The following TENM4 variants were observed in gnomAD, a reference collection of about 807,000 sequenced individuals.
The protein encoded by TENM4 is teneurin transmembrane protein 4.
TENM4 carries 82 observed loss-of-function variants against 243.3 expected under a neutral mutation model. That is an observed-to-expected ratio of 0.34 (90% CI 0.28 to 0.40). TENM4 has a LOEUF of 0.40. Among genes scored for constraint, TENM4 ranks in the 10% least tolerant of loss-of-function variants. The probability of loss-of-function intolerance (pLI) is 1.00; values close to 1 mark genes in which losing one functional copy is unlikely to be tolerated. For synonymous variants in TENM4, 1,412 were observed against 1,456.3 expected (o/e 0.97, Z 0.69); for missense variants, 3,138 against 3,673.3 (o/e 0.85, Z 3.77).
At chr11:78,777,021 T>C (rs781177046) in intron 17 of TENM4, among the ~76,000 whole-genome samples, 6 of 152,066 alleles carry the variant, frequency 3.9e-5, no homozygotes, top group Non-Finnish European at 7.4e-5. Context: ...CCTTTTTCAA[T>C]TGAATGGGTA....
chr11:78,765,939 A>G (rs146582035), intron 18 of TENM4, among the ~76,000 whole-genome samples: 3 of 152,360 alleles, frequency 2.0e-5, no homozygotes, highest in Non-Finnish European at 2.9e-5. Flanking sequence ...AAAACATATT[A>G]TATAGAGAAA....
intron 1 of TENM4, among the ~76,000 whole-genome samples, chr11:79,381,414 C>T (rs1857999906): frequency 6.6e-6 from 1 of 151,922 alleles, no homozygotes; most frequent in South Asian, 2.1e-4. Context: ...CTCCAAGGCT[C>T]CTTGTCTGTT....
At chr11:79,014,756 A>G (rs1858730604) in intron 6 of TENM4, 1 of 152,128 alleles carries the variant, frequency 6.6e-6, no homozygotes, top group South Asian at 2.1e-4. Flanking sequence ...CGGTTCTGGG[A>G]GACAAGAAGA....
intron 4 of TENM4, among the ~76,000 whole-genome samples, chr11:79,129,003 C>A (rs1470505233): frequency 6.6e-6 from 1 of 152,182 alleles, no homozygotes; most frequent in Non-Finnish European, 1.5e-5. Flanking sequence ...AGGAAGCAGA[C>A]AGCTCCTGCA....
At chr11:79,133,861 C>T (rs542650734) in intron 4 of TENM4, among the ~76,000 whole-genome samples, 1 of 152,192 alleles carries the variant, frequency 6.6e-6, no homozygotes, top group African/African-American at 2.4e-5. Flanking sequence ...GTAATAAAAG[C>T]CATCTATGAC....
chr11:79,119,389 A>G (rs1157040161), intron 4 of TENM4, among the ~76,000 whole-genome samples: 2 of 151,080 alleles, frequency 1.3e-5, no homozygotes, highest in Non-Finnish European at 2.9e-5. Context: ...TTGTTGTTAT[A>G]AAAATCATTG....
At chr11:79,142,115 A>G (rs551140614) in intron 4 of TENM4, among the ~76,000 whole-genome samples, 1 of 152,072 alleles carries the variant, frequency 6.6e-6, no homozygotes, top group Non-Finnish European at 1.5e-5. Context: ...GTTATTTAAC[A>G]TAGTACTGGA....
intron 4 of TENM4, among the ~76,000 whole-genome samples, chr11:79,132,345 C>CAAA (rs569082783): frequency 0.085 from 4,260 of 49,880 alleles, 636 homozygotes; most frequent in African/African-American, 0.27. Flanking sequence ...GACTCCAACT[C>CAAA]AAAAAAAAAA....
chr11:78,893,754 T>C (rs1463267761), intron 7 of TENM4, among the ~76,000 whole-genome samples: 1 of 104,432 alleles, frequency 9.6e-6, no homozygotes, highest in Non-Finnish European at 1.9e-5. Context: ...CCCTGGCCCC[T>C]TGTACTGATT....
intron 12 of TENM4, among the ~76,000 whole-genome samples, chr11:78,825,091 T>G (rs112094079): frequency 1.9e-3 from 292 of 152,340 alleles, no homozygotes; most frequent in African/African-American, 6.8e-3. Context: ...TTGACTCCAC[T>G]GTGTTAAAGC....
chr11:79,141,153 C>T (rs1463791460), intron 4 of TENM4, among the ~76,000 whole-genome samples: 1 of 152,044 alleles, frequency 6.6e-6, no homozygotes, highest in South Asian at 2.1e-4. Flanking sequence ...CTCCTAATTC[C>T]CTTCTTCTCT....
chr11:78,756,948 G>C lies in TENM4; in HGVS notation c.2613C>G (p.Gly871=). The C allele has an allele frequency of 6.2e-7, 1 of 1,614,000 alleles. No individual in the cohort carries two copies. Among genetic ancestry groups the C allele is most frequent in the Non-Finnish European group, 8.5e-7 (1 of 1,179,900 alleles). ...GGATGATGTCCAGAGGGTTAGGGGA[G>C]CCAAGGCACAGCGGGTTGATATGGC... ...PLCHINPLCL[G]SPNPLDIIQE... Residue 871 remains glycine, a synonymous_variant, in exon 19 of 34, where the codon GGC becomes GGG. Transcript: ENST00000278550.
chr11:78,752,449 C>T (rs374426283), intron 19 of TENM4, among the ~76,000 whole-genome samples: 72 of 152,306 alleles, frequency 4.7e-4, no homozygotes, highest in African/African-American at 1.7e-3. Context: ...TGAGGCTGAC[C>T]CAGCTGGGAA....
At chr11:79,388,108 T>C (rs483408) in intron 1 of TENM4, among the ~76,000 whole-genome samples, 77,515 of 152,082 alleles carry the variant, frequency 0.51, 19,848 homozygotes, top group East Asian at 0.55. Flanking sequence ...GGAGTTTCTA[T>C]ATGGAAGGAG....
At chr11:79,213,258 G>C (rs1863986008) in intron 3 of TENM4, among the ~76,000 whole-genome samples, 1 of 152,132 alleles carries the variant, frequency 6.6e-6, no homozygotes, top group Non-Finnish European at 1.5e-5. Context: ...CCTGTTCAAT[G>C]ATTTGTTCTT....
chr11:78,727,313 G>C (rs1855538129), intron 22 of TENM4, among the ~76,000 whole-genome samples: 1 of 152,018 alleles, frequency 6.6e-6, no homozygotes, highest in Non-Finnish European at 1.5e-5. Context: ...CGGGTGTGGT[G>C]GTGGGCGCCT....
chr11:79,413,815 T>C (rs1397855070), intron 1 of TENM4, among the ~76,000 whole-genome samples: 1 of 152,190 alleles, frequency 6.6e-6, no homozygotes, highest in Non-Finnish European at 1.5e-5. Flanking sequence ...AAGAATGTCC[T>C]TGCTTTTAGA....
At chr11:78,811,958 C>T (rs1404689773) in intron 14 of TENM4, among the ~76,000 whole-genome samples, 164 bp downstream of exon 14, 1 of 152,198 alleles carries the variant, frequency 6.6e-6, no homozygotes, top group African/African-American at 2.4e-5. Context: ...TTGGCCTCTT[C>T]CTTTGGATTA....
chr11:78,820,296 T>TGAAGTCACCTTCTC (rs1437194388), intron 12 of TENM4, among the ~76,000 whole-genome samples: 20 of 152,314 alleles, frequency 1.3e-4, no homozygotes, highest in African/African-American at 4.8e-4. Context: ...GAATGGGAGA[T>TGAAGTCACCTTCTC]GAAGTCACCT....
Sources: allele counts gnomAD v4.1 joint callset (sites outside exome capture counted in the v4.1 genomes callset), GRCh38; gene constraint gnomAD v4.1.1; transcripts MANE v1.5; gene names NCBI Gene and HGNC (gene_info 2026-07-23, HGNC 2026-07-21).